Variants in GULP1 observed in about 807,000 individuals in gnomAD.
GULP1 encodes the protein PTB domain-containing engulfment adapter protein 1.
GULP1 carries 19 observed loss-of-function variants against 40.9 expected under a neutral mutation model. That is an observed-to-expected ratio of 0.46 (90% CI 0.32 to 0.68). The LOEUF (loss-of-function observed/expected upper bound fraction) is 0.68. Ranked by LOEUF, GULP1 falls within the 30% of genes least tolerant of loss-of-function variation. The pLI is 0.03. For missense variants in GULP1, 312 were observed against 362.2 expected (o/e 0.86, Z 1.12); for synonymous variants, 119 against 117.6 (o/e 1.01, Z -0.08).
intron 4 of GULP1, among the ~76,000 whole-genome samples, chr2:188,512,579 T>C (rs1028069184): frequency 1.3e-5 from 2 of 152,106 alleles, no homozygotes; most frequent in African/African-American, 4.8e-5. Flanking sequence ...AGTCCTACAT[T>C]ATTCATAGTG....
chr2:188,478,292 T>C (rs1305951966), intron 3 of GULP1, among the ~76,000 whole-genome samples: 2 of 152,142 alleles, frequency 1.3e-5, no homozygotes, highest in Non-Finnish European at 2.9e-5. Flanking sequence ...GCTAGTTAGA[T>C]GTTGTTTTTT....
At chr2:188,542,720 AC>A (rs1690862903) in intron 7 of GULP1, among the ~76,000 whole-genome samples, 1 of 152,152 alleles carries the variant, frequency 6.6e-6, no homozygotes, top group Non-Finnish European at 1.5e-5. Context: ...TTTTATATGA[AC>A]TTCTGATGAA....
chr2:188,416,118 T>A lies in GULP1; in HGVS notation c.-45+32229T>A, dbSNP rs1191577749. ...CTAGCATTTCTTATTAAGCAGTGTT[T>A]CCACTCTTCAAAATGAAATTCTTCT... is the stretch of plus-strand genomic sequence containing the variant. On this transcript the variant is annotated intron_variant, in intron 2 of 11. Transcript: ENST00000409830. Among the ~76,000 whole-genome samples the A allele has an allele frequency of 3.3e-5, 5 of 152,212 alleles. No homozygotes were observed. In the East Asian group the frequency reaches 9.6e-4, roughly 29 times the overall value.
At chr2:188,382,340 A>T (rs2049100705) in intron 1 of GULP1, among the ~76,000 whole-genome samples, 1 of 152,150 alleles carries the variant, frequency 6.6e-6, no homozygotes, top group Non-Finnish European at 1.5e-5. Context: ...TGTATTTCAC[A>T]GTGGATGTCT....
chr2:188,350,485 A>G (rs371358044), intron 1 of GULP1, among the ~76,000 whole-genome samples: 48 of 152,076 alleles, frequency 3.2e-4, no homozygotes, highest in African/African-American at 1.1e-3. Flanking sequence ...TTATTTTCAA[A>G]TTGTTAACTG....
chr2:188,516,516 T>C (rs148579269), intron 4 of GULP1, among the ~76,000 whole-genome samples: 212 of 152,276 alleles, frequency 1.4e-3, no homozygotes, highest in African/African-American at 5.0e-3. Flanking sequence ...TCTGAAAATT[T>C]ATACCTTTGG....
In GULP1 at chr2:188,594,086, A is replaced by C; in HGVS notation, c.*75A>C. 1.2e-6 allele frequency: 1 copy of C among 814,260 alleles called. No homozygotes were observed. Among genetic ancestry groups the C allele is most frequent in the African/African-American group, 1.7e-5 (1 of 58,966 alleles). The allele number at this position is 814,260 out of a possible 1,614,324, so 50.4% of individuals were successfully genotyped here. On this transcript the variant is annotated 3_prime_UTR_variant, in exon 12 of 12. Coordinates refer to ENST00000409830, the MANE Select transcript of GULP1 (RefSeq NM_016315.4). ...TGTCATTTATTATTATTACTTTAAG[A>C]TAGGTATTATTCATGTGTCAATGTT...
At chr2:188,351,092 G>T (rs894483274) in intron 1 of GULP1, among the ~76,000 whole-genome samples, 1 of 152,166 alleles carries the variant, frequency 6.6e-6, no homozygotes, top group East Asian at 1.9e-4. Context: ...TTAAAAAATG[G>T]TTGGAATTTG....
intron 2 of GULP1, among the ~76,000 whole-genome samples, chr2:188,411,285 C>T (rs1013352323): frequency 6.7e-6 from 1 of 149,878 alleles, no homozygotes; most frequent in African/African-American, 2.5e-5. Flanking sequence ...CAGTAAAAAC[C>T]TGTCACCAAG....
intron 5 of GULP1, 43 bp from the exon 6 acceptor site, chr2:188,529,054 T>C: frequency 2.3e-6 from 2 of 870,734 alleles, no homozygotes; most frequent in South Asian, 3.0e-5. Flanking sequence ...TCATTCTTTA[T>C]AGAAATAGAA....
Position 188,403,060 on chromosome 2 carries a change from A to G in GULP1, c.-45+19171A>G, listed in dbSNP as rs76269478. Among the ~76,000 whole-genome samples the G allele has an allele frequency of 3.8e-4, 58 of 152,266 alleles. 2 individuals carry two copies. The East Asian group carries it at 5.0e-3, about 13-fold the overall frequency. On this transcript the variant is annotated intron_variant, in intron 2 of 11. Coordinates refer to ENST00000409830, the MANE Select transcript of GULP1 (RefSeq NM_016315.4). Reference sequence around the variant, plus strand: ...CATACATTAACATGAGAGAAAGTATATCAATCCAAAAATGTCAAACACCTA... The same window carrying G: ...CATACATTAACATGAGAGAAAGTATGTCAATCCAAAAATGTCAAACACCTA...
chr2:188,562,396 G>T (rs1309754761), intron 7 of GULP1, among the ~76,000 whole-genome samples: 4 of 152,258 alleles, frequency 2.6e-5, no homozygotes, highest in Admixed American at 6.5e-5. Flanking sequence ...CAAACAGGCT[G>T]CCTGTCTTCT....
intron 4 of GULP1, among the ~76,000 whole-genome samples, chr2:188,489,556 T>C (rs1296348977): frequency 1.3e-5 from 2 of 151,970 alleles, no homozygotes; most frequent in East Asian, 3.9e-4. Context: ...TTCCAAACAT[T>C]TTAAAATTAA....
intron 9 of GULP1, among the ~76,000 whole-genome samples, chr2:188,575,447 A>G (rs1308547292): frequency 2.0e-5 from 3 of 152,204 alleles, no homozygotes; most frequent in Admixed American, 2.0e-4. Flanking sequence ...AAATATTTCA[A>G]TAAATACATG....
At chr2:188,528,388 C>CTAA (rs1296149262) in intron 5 of GULP1, among the ~76,000 whole-genome samples, 3 of 152,016 alleles carry the variant, frequency 2.0e-5, no homozygotes, top group African/African-American at 7.2e-5. Context: ...ACTCCATCTG[C>CTAA]TAAGCACATG....
intron 2 of GULP1, among the ~76,000 whole-genome samples, chr2:188,457,067 A>G (rs755539063): frequency 4.6e-5 from 7 of 152,126 alleles, no homozygotes; most frequent in South Asian, 4.1e-4. Context: ...CCTTCATTGT[A>G]TCTAGGAAGT....
At chr2:188,481,115 G>T in intron 3 of GULP1, among the ~76,000 whole-genome samples, 1 of 151,784 alleles carries the variant, frequency 6.6e-6, no homozygotes, top group East Asian at 1.9e-4. Flanking sequence ...CAAATATGTT[G>T]AAATGTTGGC....
intron 6 of GULP1, among the ~76,000 whole-genome samples, chr2:188,535,261 G>T (rs951158530): frequency 6.6e-6 from 1 of 151,982 alleles, no homozygotes; most frequent in Non-Finnish European, 1.5e-5. Flanking sequence ...ATCATGCTGA[G>T]GTTTGGCATA....
intron 1 of GULP1, among the ~76,000 whole-genome samples, chr2:188,349,998 T>C (rs2044224457): frequency 6.6e-6 from 1 of 152,148 alleles, no homozygotes; most frequent in Non-Finnish European, 1.5e-5. Flanking sequence ...TTGGCACCTT[T>C]GCAAAAAATC....
Sources: allele counts gnomAD v4.1 joint callset (sites outside exome capture counted in the v4.1 genomes callset), GRCh38; gene constraint gnomAD v4.1.1; transcripts MANE v1.5; gene names NCBI Gene and HGNC (gene_info 2026-07-23, HGNC 2026-07-21).